The following ADARB1 variants were observed in gnomAD, a reference collection of about 807,000 sequenced individuals.
ADARB1 encodes double-stranded RNA-specific editase 1.
Under a neutral mutation model 52.4 loss-of-function variants are expected in ADARB1, and 10 were observed. That is an observed-to-expected ratio of 0.19 (90% CI 0.12 to 0.32). The LOEUF is 0.32. ADARB1 is among the 10% of genes least tolerant of loss of function. The pLI is 1.00. For missense variants in ADARB1, 643 were observed against 922.3 expected (o/e 0.70, Z 3.92); for synonymous variants, 349 against 371.1 (o/e 0.94, Z 0.68).
chr21:45,140,582 G>A lies in ADARB1; in HGVS notation c.-48+12009G>A, dbSNP rs185295909. The stretch of plus-strand genomic sequence containing the variant: ...GAGGAGGCTCAGTGGCGTTCTGAGC[G>A]GTGGCCACCAGGACAAACCTCTTGT... On this transcript the variant is annotated intron_variant, in intron 2 of 10. Transcript: ENST00000348831. 1.4e-3 allele frequency among the ~76,000 whole-genome samples: 206 copies of A among 152,232 alleles called. 1 individual carries two copies. The highest frequency in any genetic ancestry group is 2.7e-3 in the East Asian group (14 of 5,168).
chr21:45,152,350 G>A (rs1044498950), intron 2 of ADARB1, among the ~76,000 whole-genome samples: 6 of 145,122 alleles, frequency 4.1e-5, no homozygotes, highest in East Asian at 2.2e-4. Context: ...CTGTGACTGC[G>A]CTGAACGGTT....
At chr21:45,164,841 A>T (rs1335191012) in intron 2 of ADARB1, among the ~76,000 whole-genome samples, 1 of 152,106 alleles carries the variant, frequency 6.6e-6, no homozygotes, top group African/African-American at 2.4e-5. Context: ...AGACAGGCTG[A>T]TGTGTTTAGC....
intron 8 of ADARB1, among the ~76,000 whole-genome samples, chr21:45,191,165 T>G (rs2092271336): frequency 6.6e-6 from 1 of 152,252 alleles, no homozygotes; most frequent in Admixed American, 6.5e-5. Context: ...TTTTTAATGT[T>G]AACCTTATGG....
intron 2 of ADARB1, among the ~76,000 whole-genome samples, chr21:45,161,180 G>T (rs1258511468): frequency 6.6e-6 from 1 of 152,184 alleles, no homozygotes; most frequent in African/African-American, 2.4e-5. Flanking sequence ...AGGGCTCTGT[G>T]CTCCGCAAGT....
Position 45,222,665 on chromosome 21 carries a change from T to C in ADARB1, c.*468T>C. The C allele has an allele frequency of 7.1e-6, 7 of 988,030 alleles. No individual in the cohort carries two copies. The highest frequency in any genetic ancestry group is 8.4e-6 in the Non-Finnish European group (7 of 831,836). 61.2% of individuals were successfully genotyped at this position (988,030 alleles called of 1,614,324 possible). On this transcript the variant is annotated 3_prime_UTR_variant, in exon 11 of 11. Transcript: ENST00000348831. ...ATTATTTTAATTGCAAAAAAGCATC[T>C]ATATATGGAGGAGGGTGGGAAAATA... is the stretch of plus-strand genomic sequence containing the variant.
intron 2 of ADARB1, chr21:45,144,551 C>T (rs2089912146): frequency 2.0e-5 from 8 of 400,690 alleles, no homozygotes; most frequent in South Asian, 9.4e-5. Flanking sequence ...TACAGTAAAT[C>T]GTTGCTATTC....
chr21:45,185,984 C>T (rs759207019), intron 8 of ADARB1, among the ~76,000 whole-genome samples: 8 of 152,194 alleles, frequency 5.3e-5, no homozygotes, highest in Non-Finnish European at 1.0e-4. Flanking sequence ...GTACAGGGAG[C>T]TGGATTAATC....
intron 2 of ADARB1, among the ~76,000 whole-genome samples, chr21:45,134,436 G>A (rs1349853319): frequency 2.0e-5 from 3 of 151,988 alleles, no homozygotes; most frequent in African/African-American, 7.3e-5. Flanking sequence ...ACGGGTGTGT[G>A]CGCCTGACAG....
intron 9 of ADARB1, among the ~76,000 whole-genome samples, chr21:45,215,773 TG>T (rs1277255239): frequency 5.9e-5 from 9 of 152,260 alleles, no homozygotes; most frequent in Non-Finnish European, 1.3e-4. Context: ...TTAGAATTTT[TG>T]TATTTATATT....
intron 1 of ADARB1, among the ~76,000 whole-genome samples, chr21:45,108,314 T>C (rs1010262280): frequency 1.3e-5 from 2 of 152,184 alleles, no homozygotes; most frequent in African/African-American, 4.8e-5. Context: ...TAATCAAAAG[T>C]CTCACTTGAT....
In ADARB1 at chr21:45,183,432, G is replaced by A; in HGVS notation, c.1318G>A (p.Val440Ile). The change falls in exon 7 of 11, where the codon GTC becomes ATC. Residue 440 changes from valine to isoleucine, a missense_variant. Val to Ile is a conservative substitution (Grantham distance 29, BLOSUM62 3). Coordinates refer to ENST00000348831, the MANE Select transcript of ADARB1 (RefSeq NM_001112.4). ...ERGGFRLKEN[V>I]QFHLYISTSP... The stretch of plus-strand genomic sequence containing the variant: ...AGGGGGGTTTAGGCTGAAGGAGAAT[G>A]TCCAGTTTCATCTGTACATCAGCAC... 1 of 1,612,930 alleles carries A rather than the reference G, an allele frequency of 6.2e-7. No homozygotes were observed.
intron 1 of ADARB1, among the ~76,000 whole-genome samples, chr21:45,096,259 C>G (rs1260993975): frequency 6.6e-6 from 1 of 152,246 alleles, no homozygotes; most frequent in African/African-American, 2.4e-5. Flanking sequence ...TAGATGCCTC[C>G]TTCTGCAGGA....
At chr21:45,096,258 C>T (rs961918663) in intron 1 of ADARB1, among the ~76,000 whole-genome samples, 2 of 152,242 alleles carry the variant, frequency 1.3e-5, no homozygotes, top group African/African-American at 4.8e-5. Flanking sequence ...CTAGATGCCT[C>T]CTTCTGCAGG....
chr21:45,195,492 T>A (rs969493750), intron 8 of ADARB1, among the ~76,000 whole-genome samples: 25 of 152,198 alleles, frequency 1.6e-4, no homozygotes, highest in African/African-American at 5.8e-4. Context: ...CCCAAGATCA[T>A]CTAGATTTTC....
chr21:45,078,191 G>A (rs149237208), intron 1 of ADARB1, among the ~76,000 whole-genome samples: 28 of 152,286 alleles, frequency 1.8e-4, no homozygotes, highest in Non-Finnish European at 3.5e-4. Flanking sequence ...ACAGGAAGGG[G>A]GATGAAAGTA....
At chr21:45,140,805 T>C (rs2145895011) in intron 2 of ADARB1, among the ~76,000 whole-genome samples, 1 of 152,312 alleles carries the variant, frequency 6.6e-6, no homozygotes, top group South Asian at 2.1e-4. Flanking sequence ...TAAAATTTTA[T>C]CAAGTAATTT....
At chr21:45,116,749 C>A (rs767037760) in intron 1 of ADARB1, among the ~76,000 whole-genome samples, 11 of 152,156 alleles carry the variant, frequency 7.2e-5, no homozygotes, top group Non-Finnish European at 1.5e-4. Flanking sequence ...CGTGAGAACT[C>A]ACTCACTATC....
In ADARB1 at chr21:45,223,727, C is replaced by T. The variant is rs80308005; in HGVS notation, c.*1530C>T. The T allele has an allele frequency of 5.1e-6, 5 of 985,462 alleles. No homozygotes were observed. The highest frequency in any genetic ancestry group is 9.4e-5 in the South Asian group (2 of 21,280). The allele number at this position is 985,462 out of a possible 1,614,324, so 61.0% of individuals were successfully genotyped here. A position where few individuals can be genotyped will look rare whatever the true frequency, so the allele number is the denominator to read the frequency against. ...GGGCAGAGGGGCGTCATCCTCCCAC[C>T]GGACGCTGGGAGCTCAGACCCCAAA... On this transcript the variant is annotated 3_prime_UTR_variant, in exon 11 of 11. Transcript: ENST00000348831.
At chr21:45,114,268 G>T (rs2087710083) in intron 1 of ADARB1, among the ~76,000 whole-genome samples, 1 of 152,202 alleles carries the variant, frequency 6.6e-6, no homozygotes, top group African/African-American at 2.4e-5. Context: ...TATCAGCTGT[G>T]TCAAGTCAGG....
Sources: gnomAD v4.1 joint callset for allele counts (sites outside exome capture counted in the v4.1 genomes callset) on GRCh38, gnomAD v4.1.1 for gene constraint, MANE v1.5 for transcripts, NCBI Gene and HGNC (gene_info 2026-07-23, HGNC 2026-07-21) for gene names.